The following GRPEL1 variants were observed in gnomAD, a reference collection of about 807,000 sequenced individuals.
GRPEL1 encodes the protein GrpE like 1, mitochondrial.
Under a neutral mutation model 22.1 loss-of-function variants are expected in GRPEL1, and 13 were observed. That is an observed-to-expected ratio of 0.59 (90% CI 0.38 to 0.94). The LOEUF (loss-of-function observed/expected upper bound fraction) is 0.94. Among genes scored for constraint, GRPEL1 ranks in the 40% least tolerant of loss-of-function variants. The pLI is 0.00. For missense variants in GRPEL1, 289 were observed against 264.6 expected, an observed-to-expected ratio of 1.09 and a Z score of -0.64; for synonymous variants, 109 against 105.3, an observed-to-expected ratio of 1.03 and a Z score of -0.21.
rs1724020828 is a variant in GRPEL1, at chr4:7,060,716, A to T, written c.*146T>A. ...TAGAGTTCATTAATGCAGTTGGGCA[A>T]CCGGCTTTTCTGTTTAGCCACTGGT... On this transcript the variant is annotated 3_prime_UTR_variant, in exon 4 of 4. Coordinates refer to ENST00000264954, the MANE Select transcript of GRPEL1 (RefSeq NM_025196.4). 1 of 736,862 alleles carries T rather than the reference A, an allele frequency of 1.4e-6. No homozygotes were observed. Among genetic ancestry groups the T allele is most frequent in the Non-Finnish European group, 2.3e-6 (1 of 436,944 alleles). 45.6% of individuals were successfully genotyped at this position (736,862 alleles called of 1,614,324 possible).
chr4:7,062,383 A>G lies in GRPEL1; in HGVS notation c.307+2T>C. The stretch of plus-strand genomic sequence containing the variant: ...ATCAACACCATGTTATGTTGAAAGT[A>G]CCGTATAATTTTGCCTCCTCCACCA... On this transcript the variant is annotated splice_donor_variant, in intron 3 of 3. Coordinates refer to ENST00000264954, the MANE Select transcript of GRPEL1 (RefSeq NM_025196.4). LOFTEE classifies it high-confidence loss of function. 6.7e-7 allele frequency: 1 copy of G among 1,501,768 alleles called. No homozygotes were observed. The allele number at this position is 1,501,768 out of a possible 1,614,324, so 93.0% of individuals were successfully genotyped here.
rs1028581552 is a variant in GRPEL1, at chr4:7,058,911, A to G, written c.*1951T>C. The G allele has an allele frequency of 6.6e-6, 1 of 152,206 alleles. No homozygotes were observed. Among genetic ancestry groups the G allele is most frequent in the African/African-American group, 2.4e-5 (1 of 41,462 alleles). 9.4% of individuals were successfully genotyped at this position (152,206 alleles called of 1,614,324 possible). ...GGCCACATATTAGAACACAGTTTGC[A>G]CTGTACCTTTACTATGTTATGTTCA... On this transcript the variant is annotated 3_prime_UTR_variant, in exon 4 of 4. Transcript: ENST00000264954.
At chr4:7,064,497 ATATC>A (rs908687624) in intron 1 of GRPEL1, among the ~76,000 whole-genome samples, 7 of 152,058 alleles carry the variant, frequency 4.6e-5, no homozygotes, top group East Asian at 1.9e-4. Context: ...CTCTCTCTAT[ATATC>A]TATCTATCTA....
At chr4:7,065,876 C>CG (rs1724156482) in intron 1 of GRPEL1, among the ~76,000 whole-genome samples, 1 of 136,404 alleles carries the variant, frequency 7.3e-6, no homozygotes, top group South Asian at 2.4e-4. Context: ...TTTTTTGAGA[C>CG]GGAGTCTTGC....
intron 1 of GRPEL1, 47 bp downstream of exon 1, chr4:7,067,924 G>A (rs777285546): frequency 1.3e-6 from 2 of 1,591,920 alleles, no homozygotes; most frequent in Admixed American, 3.4e-5. Flanking sequence ...CATCGGAGCG[G>A]GAGGTCGCGC....
Position 7,059,860 on chromosome 4 carries a change from G to A in GRPEL1, c.*1002C>T, listed in dbSNP as rs769951880. ...TGGGTGTTTCGTATTCTTACCGGAC[G>A]GGCTGCAGCTGCACTGGGGGAGTGT... On this transcript the variant is annotated 3_prime_UTR_variant, in exon 4 of 4. Coordinates refer to ENST00000264954, the MANE Select transcript of GRPEL1 (RefSeq NM_025196.4). 3.3e-5 allele frequency: 5 copies of A among 152,138 alleles called. No homozygotes were observed. Among genetic ancestry groups the A allele is most frequent in the Admixed American group, 6.6e-5 (1 of 15,266 alleles). The allele number at this position is 152,138 out of a possible 1,614,324, so 9.4% of individuals were successfully genotyped here.
At position 7,061,138 on chromosome 4, in the gene GRPEL1, T is replaced by C. The variant is rs1304539798; in HGVS notation, c.378A>G (p.Pro126=). The C allele has an allele frequency of 1.2e-6, 2 of 1,614,112 alleles. No individual in the cohort carries two copies. Among genetic ancestry groups the C allele is most frequent in the African/African-American group, 2.7e-5 (2 of 74,928 alleles). ...GGTTATCGTCTTTAATTTCTTCTTT[T>C]GGAACACACTGTGTTGCCTTCTCCA... ...DVLEKATQCV[P]KEEIKDDNPH... The change falls in exon 4 of 4, where the codon CCA becomes CCG. Residue 126 remains proline (P), a synonymous_variant. Coordinates refer to ENST00000264954, the MANE Select transcript of GRPEL1 (RefSeq NM_025196.4).
In GRPEL1 at chr4:7,062,490, T is replaced by TG. The variant is rs1553880300; in HGVS notation, c.226-25_226-24insC. The TG allele has an allele frequency of 3.6e-5, 22 of 617,388 alleles. No individual in the cohort carries two copies. The African/African-American group carries it at 4.2e-4, about 12-fold the overall frequency. The allele number at this position is 617,388 out of a possible 1,614,324, so 38.2% of individuals were successfully genotyped here. On this transcript the variant is annotated intron_variant, in intron 2 of 3. Transcript: ENST00000264954. ...TCCTAAAAGAGAAAAAAAGGGATAT[T>TG]TATATATATATATATATATATATAT...
At chr4:7,062,637 G>A (rs1724073506) in intron 2 of GRPEL1, among the ~76,000 whole-genome samples, 171 bp from the exon 3 acceptor site, 3 of 151,724 alleles carry the variant, frequency 2.0e-5, no homozygotes, top group South Asian at 2.1e-4. Flanking sequence ...TCAGCCTCCC[G>A]AGTAGCTGGG....
In GRPEL1 at chr4:7,067,951, G is replaced by A. The variant is rs761194213; in HGVS notation, c.62+20C>T. 4 of 1,612,692 alleles carry A rather than the reference G, an allele frequency of 2.5e-6. No homozygotes were observed. The highest frequency in any genetic ancestry group is 3.4e-6 in the Non-Finnish European group (4 of 1,179,572). ...AGGTCGCGCTGCCACCTCCACCCAG[G>A]GAGACCAAGTGCCCCTTACCTGAGA... On this transcript the variant is annotated intron_variant, in intron 1 of 3. Transcript: ENST00000264954.
rs771494725 is a variant in GRPEL1, at chr4:7,060,891, C to G, written c.625G>C (p.Ala209Pro). The change falls in exon 4 of 4, where the codon GCC becomes CCC. Residue 209 changes from alanine to proline, a missense_variant. Physicochemically the swap from Ala to Pro is conservative, Grantham distance 27 (BLOSUM62 -1). Coordinates refer to ENST00000264954, the MANE Select transcript of GRPEL1 (RefSeq NM_025196.4). ...GCTTCCTTCACCACCCCCACCAGGG[C>G]GGGTCTCAGAGTGCGCCCATGCAGC... is the stretch of plus-strand genomic sequence containing the variant. ...YKLHGRTLRP[A>P]LVGVVKEA is the part of the protein sequence containing the mutation. 2 of 1,613,454 alleles carry G rather than the reference C, an allele frequency of 1.2e-6. No homozygotes were observed. The highest frequency in any genetic ancestry group is 8.5e-7 in the Non-Finnish European group (1 of 1,179,658).
At chr4:7,063,995 T>C in intron 2 of GRPEL1, 66 bp downstream of exon 2, 4 of 1,519,224 alleles carry the variant, frequency 2.6e-6, no homozygotes, top group Non-Finnish European at 2.7e-6. Flanking sequence ...ACCTGGAACC[T>C]TTATGTGGCC....
Position 7,064,231 on chromosome 4 carries a change from G to A in GRPEL1, c.63-8C>T. ...AACAACCGGGGAGATGGCCTACAGG[G>A]AAGTCCACACGTGAGAAACGAAGAC... On this transcript the variant is annotated splice_polypyrimidine_tract_variant and splice_region_variant and intron_variant, in intron 1 of 3. Coordinates refer to ENST00000264954, the MANE Select transcript of GRPEL1 (RefSeq NM_025196.4). 1 of 1,610,580 alleles carries A rather than the reference G, an allele frequency of 6.2e-7. No homozygotes were observed. Among genetic ancestry groups the A allele is most frequent in the Non-Finnish European group, 8.5e-7 (1 of 1,178,020 alleles).
intron 1 of GRPEL1, among the ~76,000 whole-genome samples, chr4:7,066,887 A>G (rs895604389): frequency 1.3e-5 from 2 of 152,234 alleles, no homozygotes; most frequent in Non-Finnish European, 2.9e-5. Flanking sequence ...ACCATTCTAG[A>G]GACAGAAATG....
At position 7,060,695 on chromosome 4, in the gene GRPEL1, G is replaced by C. The variant is rs911501689; in HGVS notation, c.*167C>G. The C allele has an allele frequency of 2.1e-5, 14 of 663,650 alleles. No homozygotes were observed. Among genetic ancestry groups the C allele is most frequent in the African/African-American group, 2.0e-4 (11 of 55,484 alleles). 41.1% of individuals were successfully genotyped at this position (663,650 alleles called of 1,614,324 possible). On this transcript the variant is annotated 3_prime_UTR_variant, in exon 4 of 4. Coordinates refer to ENST00000264954, the MANE Select transcript of GRPEL1 (RefSeq NM_025196.4). Reference sequence around the variant, plus strand: ...AAAGGGAACAGACTCCCGAATTAGAGTTCATTAATGCAGTTGGGCAACCGG... The same window carrying C: ...AAAGGGAACAGACTCCCGAATTAGACTTCATTAATGCAGTTGGGCAACCGG...
intron 1 of GRPEL1, among the ~76,000 whole-genome samples, chr4:7,066,152 A>G (rs1337987939): frequency 6.6e-6 from 1 of 152,194 alleles, no homozygotes; most frequent in Non-Finnish European, 1.5e-5. Context: ...CCTATCTGAG[A>G]ATAAGCTACA....
Position 7,062,213 on chromosome 4 carries a change from C to T in GRPEL1, c.307+172G>A, listed in dbSNP as rs181374131. On this transcript the variant is annotated intron_variant, in intron 3 of 3. Transcript: ENST00000264954. ...GCTAGTCTCAGCTACTTGATTTCTG[C>T]TCCTCCAGACACCTTTGCTGTTGAG... 529 of 392,436 alleles carry T rather than the reference C, an allele frequency of 1.3e-3. 6 individuals carry two copies. Among genetic ancestry groups the T allele is most frequent in the Middle Eastern group, 1.2e-3 (3 of 2,422 alleles). The allele number at this position is 392,436 out of a possible 1,614,324, so 24.3% of individuals were successfully genotyped here.
intron 1 of GRPEL1, chr4:7,067,644 G>T: frequency 2.5e-6 from 1 of 407,180 alleles, no homozygotes; most frequent in Non-Finnish European, 4.4e-6. Context: ...CCGAGACCGT[G>T]AATGCGCGCG....
At chr4:7,063,271 T>A (rs879877616) in intron 2 of GRPEL1, among the ~76,000 whole-genome samples, 1 of 152,102 alleles carries the variant, frequency 6.6e-6, no homozygotes, top group Non-Finnish European at 1.5e-5. Flanking sequence ...TAATTTTTTT[T>A]AGAGATGGAG....
Sources: gnomAD v4.1 joint callset for allele counts (sites outside exome capture counted in the v4.1 genomes callset) on GRCh38, gnomAD v4.1.1 for gene constraint, MANE v1.5 for transcripts, NCBI Gene and HGNC (gene_info 2026-07-23, HGNC 2026-07-21) for gene names.